CDH6: variants seen among roughly 807,000 people sequenced by gnomAD.
CDH6 encodes cadherin 6.
A neutral mutation model predicts 78.0 loss-of-function variants in CDH6; 31 were observed. The observed-to-expected ratio is 0.40, with a 90% CI of 0.30 to 0.54. CDH6 has a LOEUF of 0.54. CDH6 is among the 20% of genes least tolerant of loss of function. The probability of loss-of-function intolerance (pLI) is 0.56; values close to 1 mark genes in which losing one functional copy is unlikely to be tolerated. For missense variants in CDH6, 724 were observed against 975.9 expected (o/e 0.74, Z 3.44); for synonymous variants, 376 against 368.8 (o/e 1.02, Z -0.23).
chr5:31,317,396 G>C lies in CDH6; in HGVS notation c.1534G>C (p.Val512Leu). Residue 512 changes from valine to leucine, a missense_variant, in exon 10 of 12, where the codon GTT becomes CTT. This residue lies in a region of CDH6 where 446 missense variants were observed against 684.5 expected (regional missense o/e 0.65). Coordinates refer to ENST00000265071, the MANE Select transcript of CDH6 (RefSeq NM_004932.4). ...TTAGTTGATTCAGACCCTGCATGCT[G>C]TTGACAAGGATGACCCTTATAGTGG... ...ADQLIQTLHA[V>L]DKDDPYSGHQ... 1 of 1,594,458 alleles carries C rather than the reference G, an allele frequency of 6.3e-7. No homozygotes were observed. The highest frequency in any genetic ancestry group is 8.6e-7 in the Non-Finnish European group (1 of 1,164,798).
intron 2 of CDH6, among the ~76,000 whole-genome samples, chr5:31,274,672 T>C (rs1057165484): frequency 1.3e-5 from 2 of 152,076 alleles, no homozygotes; most frequent in Admixed American, 6.5e-5. Context: ...ATACAAAAAT[T>C]AGACGGGCGT....
At chr5:31,256,768 T>C (rs1046514498) in intron 1 of CDH6, among the ~76,000 whole-genome samples, 2 of 152,226 alleles carry the variant, frequency 1.3e-5, no homozygotes, top group African/African-American at 2.4e-5. Context: ...TACTTGCCAA[T>C]GTCTCATAGC....
intron 1 of CDH6, among the ~76,000 whole-genome samples, chr5:31,241,397 A>C (rs2149919378): frequency 6.6e-6 from 1 of 152,318 alleles, no homozygotes; most frequent in South Asian, 2.1e-4. Context: ...AGTATTCCTC[A>C]TGGATGGAAT....
chr5:31,239,352 T>C (rs1741535842), intron 1 of CDH6, among the ~76,000 whole-genome samples: 1 of 152,190 alleles, frequency 6.6e-6, no homozygotes, highest in African/African-American at 2.4e-5. Context: ...AGTTCAGACT[T>C]ATTTTATTGT....
chr5:31,311,756 C>A (rs918676971), intron 7 of CDH6, among the ~76,000 whole-genome samples: 2 of 152,156 alleles, frequency 1.3e-5, no homozygotes, highest in African/African-American at 4.8e-5. Context: ...CATGAGAATT[C>A]ACTCACTATC....
intron 5 of CDH6, among the ~76,000 whole-genome samples, chr5:31,300,859 G>A (rs1236022186): frequency 6.6e-6 from 1 of 152,224 alleles, no homozygotes; most frequent in Admixed American, 6.5e-5. Context: ...ACCAACTCAT[G>A]CCTGTAATCC....
intron 5 of CDH6, among the ~76,000 whole-genome samples, chr5:31,300,860 C>G (rs1210241487): frequency 1.3e-5 from 2 of 152,324 alleles, no homozygotes; most frequent in East Asian, 3.9e-4. Context: ...CCAACTCATG[C>G]CTGTAATCCC....
intron 7 of CDH6, among the ~76,000 whole-genome samples, chr5:31,312,507 CG>C (rs958796722): frequency 5.9e-5 from 9 of 152,224 alleles, no homozygotes; most frequent in African/African-American, 2.2e-4. Flanking sequence ...AAGACCAGCC[CG>C]GGCAAAATGG....
chr5:31,251,508 A>T (rs1741907876), intron 1 of CDH6: 1 of 152,208 alleles, frequency 6.6e-6, no homozygotes, highest in Non-Finnish European at 1.5e-5. Flanking sequence ...GATGTCTAGA[A>T]TATAGAGGGA....
intron 2 of CDH6, among the ~76,000 whole-genome samples, chr5:31,273,908 AT>A (rs1240472385): frequency 2.6e-5 from 4 of 151,740 alleles, no homozygotes; most frequent in African/African-American, 7.2e-5. Context: ...GGTCATTGTG[AT>A]TTTTTTTTAA....
intron 1 of CDH6, chr5:31,249,989 A>G (rs1741865362): frequency 6.6e-6 from 1 of 152,322 alleles, no homozygotes; most frequent in Non-Finnish European, 1.5e-5. Context: ...AACTGACCAG[A>G]GAAATTGGCA....
intron 1 of CDH6, among the ~76,000 whole-genome samples, chr5:31,236,043 T>C (rs1280817779): frequency 6.6e-6 from 1 of 152,216 alleles, no homozygotes; most frequent in African/African-American, 2.4e-5. Flanking sequence ...TTTTGAACTA[T>C]AGAAAACATT....
chr5:31,254,138 C>T (rs1741986513), intron 1 of CDH6, among the ~76,000 whole-genome samples: 1 of 152,180 alleles, frequency 6.6e-6, no homozygotes, highest in Non-Finnish European at 1.5e-5. Flanking sequence ...GCTGTCTACA[C>T]GACCCACCTG....
chr5:31,200,796 C>A (rs886190052), intron 1 of CDH6, among the ~76,000 whole-genome samples: 4 of 152,034 alleles, frequency 2.6e-5, no homozygotes, highest in Non-Finnish European at 4.4e-5. Context: ...CATTGATGAG[C>A]CATTTTCATT....
At chr5:31,203,771 G>A (rs1376936174) in intron 1 of CDH6, among the ~76,000 whole-genome samples, 3 of 151,528 alleles carry the variant, frequency 2.0e-5, no homozygotes, top group Non-Finnish European at 4.4e-5. Flanking sequence ...CCAGTAATGG[G>A]ATGGCTGGGT....
intron 1 of CDH6, among the ~76,000 whole-genome samples, chr5:31,245,213 T>C (rs1741711169): frequency 2.0e-5 from 3 of 152,188 alleles, no homozygotes; most frequent in Non-Finnish European, 4.4e-5. Flanking sequence ...TGAGGCTATC[T>C]ACCAACTAAG....
At chr5:31,209,169 T>C (rs1311628730) in intron 1 of CDH6, among the ~76,000 whole-genome samples, 2 of 152,214 alleles carry the variant, frequency 1.3e-5, no homozygotes, top group Non-Finnish European at 2.9e-5. Flanking sequence ...TGTTTGTTTT[T>C]TTAACATAAG....
intron 2 of CDH6, among the ~76,000 whole-genome samples, chr5:31,274,308 C>T (rs186323978): frequency 1.3e-5 from 2 of 152,160 alleles, no homozygotes; most frequent in East Asian, 1.9e-4. Flanking sequence ...TTTTCTGGCT[C>T]TTAAACTTCC....
chr5:31,277,206 C>T (rs1431150114), intron 2 of CDH6, among the ~76,000 whole-genome samples: 4 of 152,130 alleles, frequency 2.6e-5, no homozygotes, highest in Admixed American at 1.3e-4. Context: ...TTTGATGATC[C>T]CTGGCAACTG....
Sources: allele counts gnomAD v4.1 joint callset (sites outside exome capture counted in the v4.1 genomes callset), GRCh38; gene constraint gnomAD v4.1.1; regional missense constraint gnomAD v4.1.1; transcripts MANE v1.5; gene names NCBI Gene and HGNC (gene_info 2026-07-23, HGNC 2026-07-21).